PCSK5: variants seen among roughly 807,000 people sequenced by gnomAD.
PCSK5 encodes the protein prohormone convertase 5.
In PCSK5, 129 loss-of-function variants were observed where a neutral mutation model predicts 233.2. That is an observed-to-expected ratio of 0.55 (90% CI 0.48 to 0.64). The LOEUF is 0.64. Among genes scored for constraint, PCSK5 ranks in the 30% least tolerant of loss-of-function variants. The pLI is 0.00. For missense variants in PCSK5, 2,076 were observed against 2,430.1 expected (o/e 0.85, Z 3.06); for synonymous variants, 825 against 879.2 (o/e 0.94, Z 1.09).
At chr9:76,064,785 A>G (rs1305090575) in intron 5 of PCSK5, among the ~76,000 whole-genome samples, 1 of 149,174 alleles carries the variant, frequency 6.7e-6, no homozygotes, top group South Asian at 2.2e-4. Context: ...GCGGCGGGGC[A>G]GAGGCGCTCC....
chr9:76,026,953 G>A lies in PCSK5; in HGVS notation c.556-8G>A. ...TCCTTTCCCTTGCTCTCTCCTCTGTGGCCATAGGATGCTCTGGCAAGTTGC... is the reference window on the plus strand; with the variant it reads ...TCCTTTCCCTTGCTCTCTCCTCTGTAGCCATAGGATGCTCTGGCAAGTTGC... On this transcript the variant is annotated splice_region_variant and splice_polypyrimidine_tract_variant and intron_variant, in intron 4 of 37. Transcript: ENST00000674117. 1 of 1,594,428 alleles carries A rather than the reference G, an allele frequency of 6.3e-7. No individual in the cohort carries two copies. The highest frequency in any genetic ancestry group is 1.1e-5 in the South Asian group (1 of 89,536).
chr9:75,910,499 C>T (rs1044745571), intron 1 of PCSK5, among the ~76,000 whole-genome samples: 3 of 152,076 alleles, frequency 2.0e-5, no homozygotes, highest in Non-Finnish European at 2.9e-5. Flanking sequence ...TTGACCTTGC[C>T]GGTTCTTTGC....
At chr9:75,951,848 A>G (rs1824873483) in intron 2 of PCSK5, among the ~76,000 whole-genome samples, 1 of 152,246 alleles carries the variant, frequency 6.6e-6, no homozygotes, top group African/African-American at 2.4e-5. Flanking sequence ...AGAGATGGCT[A>G]AAAGTATATA....
At chr9:76,309,213 G>A (rs865908299) in intron 29 of PCSK5, among the ~76,000 whole-genome samples, 4 of 152,012 alleles carry the variant, frequency 2.6e-5, no homozygotes, top group South Asian at 4.2e-4. Context: ...GCAAGACCTT[G>A]TCTTAAAAAA....
At chr9:76,068,672 G>GATAAAAGCA (rs1830373712) in intron 6 of PCSK5, among the ~76,000 whole-genome samples, 1 of 150,998 alleles carries the variant, frequency 6.6e-6, no homozygotes, top group Non-Finnish European at 1.5e-5. Context: ...TTTAAGCATT[G>GATAAAAGCA]ATAAAAGCAA....
At chr9:75,942,146 G>A (rs546699398) in intron 2 of PCSK5, among the ~76,000 whole-genome samples, 143 of 152,302 alleles carry the variant, frequency 9.4e-4, no homozygotes, top group Non-Finnish European at 1.8e-3. Flanking sequence ...TTGCCTGCCC[G>A]GAGCAGCTGC....
At position 76,362,360 on chromosome 9, in the gene PCSK5, C is replaced by T. The variant is rs954737152; in HGVS notation, c.*3438C>T. On this transcript the variant is annotated 3_prime_UTR_variant, in exon 38 of 38. Transcript: ENST00000674117. ...GACCAGATAATGCTATGGAGACTTA[C>T]TTATTAAATAACTTTCTGAGCATTT... 3.9e-5 allele frequency: 6 copies of T among 152,280 alleles called. No homozygotes were observed. The South Asian group carries it at 6.2e-4, about 16-fold the overall frequency. 9.4% of individuals were successfully genotyped at this position (152,280 alleles called of 1,614,324 possible). A position where few individuals can be genotyped will look rare whatever the true frequency, so the allele number is the denominator to read the frequency against.
intron 7 of PCSK5, 56 bp from the exon 8 acceptor site, chr9:76,095,834 C>T (rs1430137676): frequency 1.3e-6 from 2 of 1,513,518 alleles, no homozygotes; most frequent in Admixed American, 1.7e-5. Context: ...TGGATTCTGA[C>T]CTCTTCATTT....
intron 7 of PCSK5, among the ~76,000 whole-genome samples, chr9:76,083,305 T>A (rs1830927801): frequency 6.6e-6 from 1 of 151,602 alleles, no homozygotes; most frequent in African/African-American, 2.4e-5. Flanking sequence ...TCTGGAGAAA[T>A]CATGCAGTTT....
At chr9:76,202,771 C>G (rs1468075346) in intron 20 of PCSK5, among the ~76,000 whole-genome samples, 19 of 152,122 alleles carry the variant, frequency 1.2e-4, no homozygotes, top group Non-Finnish European at 1.3e-4. Flanking sequence ...TAGGAAGCCT[C>G]TACATTTCTT....
chr9:76,155,597 A>G (rs537266936), intron 10 of PCSK5, among the ~76,000 whole-genome samples: 1 of 152,324 alleles, frequency 6.6e-6, no homozygotes, highest in South Asian at 2.1e-4. Context: ...CATCAAAGGC[A>G]TTCAGGAAAT....
chr9:76,039,083 C>T (rs113292973), intron 5 of PCSK5, among the ~76,000 whole-genome samples: 218 of 152,268 alleles, frequency 1.4e-3, no homozygotes, highest in African/African-American at 5.1e-3. Context: ...GGAGGTATTT[C>T]GGTAAGCAAT....
At chr9:76,356,259 C>T (rs1281830140) in intron 37 of PCSK5, among the ~76,000 whole-genome samples, 1 of 152,198 alleles carries the variant, frequency 6.6e-6, no homozygotes, top group African/African-American at 2.4e-5. Flanking sequence ...TAAGAACTAT[C>T]TCGTCAGCTT....
intron 34 of PCSK5, among the ~76,000 whole-genome samples, chr9:76,333,938 T>C (rs1829606854): frequency 6.6e-6 from 1 of 152,200 alleles, no homozygotes; most frequent in South Asian, 2.1e-4. Flanking sequence ...GTGTTTGTTT[T>C]CACGCGGCTG....
chr9:76,321,273 CT>C, intron 30 of PCSK5, 148 bp from the exon 31 acceptor site: 1 of 582,464 alleles, frequency 1.7e-6, no homozygotes, highest in Admixed American at 3.0e-5. Flanking sequence ...TCTGAATGTT[CT>C]TTTCACTTCC....
At chr9:75,980,519 T>C (rs1208757431) in intron 2 of PCSK5, among the ~76,000 whole-genome samples, 1 of 152,188 alleles carries the variant, frequency 6.6e-6, no homozygotes. Flanking sequence ...TTCAAGCAAA[T>C]CAAGTAAAAC....
chr9:76,093,873 C>A (rs939926520), intron 7 of PCSK5, among the ~76,000 whole-genome samples: 15 of 152,280 alleles, frequency 9.9e-5, no homozygotes, highest in Middle Eastern at 6.8e-3. Flanking sequence ...TGTAGTTTCT[C>A]AGTCTGACCA....
intron 9 of PCSK5, among the ~76,000 whole-genome samples, chr9:76,124,638 C>T (rs143336089): frequency 1.6e-3 from 237 of 149,860 alleles, no homozygotes; most frequent in African/African-American, 4.1e-3. Flanking sequence ...CCCAGCTACT[C>T]GGGAGGCTGA....
intron 30 of PCSK5, among the ~76,000 whole-genome samples, chr9:76,317,918 CAT>C (rs893974547): frequency 2.0e-5 from 3 of 152,294 alleles, no homozygotes; most frequent in African/African-American, 4.8e-5. Flanking sequence ...TCCCCACACA[CAT>C]GAGTGAGAGT....
Sources: gnomAD v4.1 joint callset for allele counts (sites outside exome capture counted in the v4.1 genomes callset) on GRCh38, gnomAD v4.1.1 for gene constraint, MANE v1.5 for transcripts, NCBI Gene and HGNC (gene_info 2026-07-23, HGNC 2026-07-21) for gene names.